The following ADD3 variants were observed in gnomAD, a reference collection of about 807,000 sequenced individuals.
The protein encoded by ADD3 is gamma-adducin.
ADD3 carries 25 observed loss-of-function variants against 80.2 expected under a neutral mutation model. That is an observed-to-expected ratio of 0.31 (90% confidence interval 0.23 to 0.44). The LOEUF is 0.44. Among genes scored for constraint, ADD3 ranks in the 20% least tolerant of loss-of-function variants. The pLI is 1.00. For synonymous variants in ADD3, 284 were observed against 289.6 expected (o/e 0.98, Z 0.20); for missense variants, 829 against 847.5 (o/e 0.98, Z 0.27).
chr10:110,011,425 A>G (rs1453575719), intron 1 of ADD3, among the ~76,000 whole-genome samples: 1 of 152,224 alleles, frequency 6.6e-6, no homozygotes, highest in Non-Finnish European at 1.5e-5. Context: ...TAATGTTTAG[A>G]ATTATTGTAG....
intron 3 of ADD3, among the ~76,000 whole-genome samples, chr10:110,114,034 A>G (rs1007550744): frequency 1.4e-4 from 21 of 152,228 alleles, no homozygotes; most frequent in Admixed American, 9.8e-4. Context: ...AAACAGAAAT[A>G]GTAAAAGAAG....
chr10:110,118,614 G>A lies in ADD3; in HGVS notation c.595G>A (p.Val199Ile), dbSNP rs200422546. Residue 199 changes from valine (V) to isoleucine (I), a missense_variant, in exon 6 of 15, where the codon GTT (valine) becomes ATT (isoleucine). By Grantham distance (29) the Val-to-Ile change is conservative. Transcript: ENST00000356080. ...LVKVNIIGEV[V>I]DQGSTNLKID... ...GAAAGTCAATATAATAGGAGAAGTG[G>A]TTGACCAGGGAAGTACCAATTTGAA... is the stretch of plus-strand genomic sequence containing the variant. 4.3e-6 allele frequency: 7 copies of A among 1,613,806 alleles called. No individual in the cohort carries two copies. The highest frequency in any genetic ancestry group is 4.2e-6 in the Non-Finnish European group (5 of 1,179,840).
At chr10:110,063,758 T>TATATATA (rs1186355021) in intron 1 of ADD3, among the ~76,000 whole-genome samples, 1 of 68,118 alleles carries the variant, frequency 1.5e-5, no homozygotes, top group African/African-American at 4.0e-5. Context: ...TATATATATA[T>TATATATA]ATATATATAT....
intron 12 of ADD3, among the ~76,000 whole-genome samples, chr10:110,127,882 A>G (rs904315670): frequency 2.0e-5 from 3 of 152,166 alleles, no homozygotes; most frequent in Non-Finnish European, 4.4e-5. Context: ...AAAAGGATAC[A>G]TAGGTGGTAA....
chr10:110,045,593 G>A (rs1371779942), intron 1 of ADD3, among the ~76,000 whole-genome samples: 2 of 152,114 alleles, frequency 1.3e-5, no homozygotes, highest in African/African-American at 4.8e-5. Flanking sequence ...TGGAAAAATG[G>A]ATGAACTAGA....
Position 110,132,342 on chromosome 10 carries a change from T to G in ADD3, c.1770T>G (p.Ser590=), listed in dbSNP as rs1853133085. The change falls in exon 14 of 15, where the codon TCT becomes TCG. Residue 590 remains serine, a synonymous_variant. Transcript: ENST00000356080. ...AATTACTCTCAGATGACGCTTCATC[T>G]GTTTCACAAATTCAGTCTCAAACTC... The part of the protein sequence containing the change: ...EQELLSDDAS[S]VSQIQSQTQS... 1 of 1,614,004 alleles carries G rather than the reference T, an allele frequency of 6.2e-7. No individual in the cohort carries two copies. The highest frequency in any genetic ancestry group is 2.2e-5 in the East Asian group (1 of 44,862).
intron 1 of ADD3, among the ~76,000 whole-genome samples, chr10:110,098,500 A>G (rs895958023): frequency 2.6e-5 from 4 of 152,352 alleles, no homozygotes; most frequent in Non-Finnish European, 5.9e-5. Flanking sequence ...TTAAATGGGT[A>G]GACATTGTGC....
chr10:110,117,278 A>T, intron 4 of ADD3, 64 bp from the exon 5 acceptor site: 4 of 782,612 alleles, frequency 5.1e-6, no homozygotes, highest in Non-Finnish European at 8.7e-6. Flanking sequence ...ATATATTTGT[A>T]GTCATGTTTC....
intron 1 of ADD3, among the ~76,000 whole-genome samples, chr10:110,041,792 T>C (rs1350682159): frequency 6.6e-6 from 1 of 152,160 alleles, no homozygotes; most frequent in Admixed American, 6.5e-5. Context: ...TTGCAATAGA[T>C]ACCTGACAGC....
intron 1 of ADD3, among the ~76,000 whole-genome samples, chr10:110,066,641 G>A (rs1335666122): frequency 2.0e-5 from 3 of 150,870 alleles, no homozygotes; most frequent in South Asian, 2.1e-4. Context: ...GGTTTTTTTT[G>A]TGGGGTTCTC....
At chr10:110,020,992 A>T (rs1286671289) in intron 1 of ADD3, among the ~76,000 whole-genome samples, 3 of 148,878 alleles carry the variant, frequency 2.0e-5, no homozygotes, top group Non-Finnish European at 3.0e-5. Flanking sequence ...AGATCAGTGC[A>T]TAATTATAGG....
At chr10:110,107,171 G>A (rs1429467758) in intron 2 of ADD3, among the ~76,000 whole-genome samples, 3 of 152,090 alleles carry the variant, frequency 2.0e-5, no homozygotes, top group Non-Finnish European at 4.4e-5. Context: ...TAGTAGAGCA[G>A]GAAAATAGTT....
intron 2 of ADD3, among the ~76,000 whole-genome samples, chr10:110,108,864 A>G (rs1590158092): frequency 6.6e-6 from 1 of 152,124 alleles, no homozygotes; most frequent in African/African-American, 2.4e-5. Flanking sequence ...GATTTCATAT[A>G]CTTTGAAAAA....
At chr10:110,080,147 G>A (rs1437480518) in intron 1 of ADD3, among the ~76,000 whole-genome samples, 1 of 152,146 alleles carries the variant, frequency 6.6e-6, no homozygotes, top group African/African-American at 2.4e-5. Context: ...GGGTCGGGGT[G>A]GGTAAGAACT....
intron 1 of ADD3, among the ~76,000 whole-genome samples, chr10:110,046,603 T>TA (rs1301874946): frequency 6.6e-6 from 1 of 152,178 alleles, no homozygotes; most frequent in Non-Finnish European, 1.5e-5. Flanking sequence ...AAAGCAATGT[T>TA]ACAAGAGCCA....
At chr10:110,001,488 G>A (rs546767889), upstream of ADD3, among the ~76,000 whole-genome samples, 1 of 152,016 alleles carries the variant, frequency 6.6e-6, no homozygotes, top group Non-Finnish European at 1.5e-5. Context: ...AGCAGAAAAG[G>A]TGTAGCCAGT....
intron 1 of ADD3, among the ~76,000 whole-genome samples, chr10:110,031,822 G>A (rs565138615): frequency 5.1e-4 from 77 of 151,708 alleles, no homozygotes; most frequent in African/African-American, 1.8e-3. Flanking sequence ...TTTGGAATAC[G>A]TATACATTTA....
At chr10:110,114,433 A>G (rs1299244714) in intron 3 of ADD3, among the ~76,000 whole-genome samples, 3 of 152,188 alleles carry the variant, frequency 2.0e-5, no homozygotes, top group Non-Finnish European at 4.4e-5. Context: ...AGAAAACTCA[A>G]TGGCTTTATG....
rs11388641 is a variant in ADD3, at chr10:110,015,683, A to ATT, written c.-30+7393_-30+7394dup. On this transcript the variant is annotated intron_variant, in intron 1 of 14. Coordinates refer to ENST00000356080, the MANE Select transcript of ADD3 (RefSeq NM_016824.5). The stretch of plus-strand genomic sequence containing the variant: ...GCCACTGCGCCTGGCAGAATGTTTG[A>ATT]TTTTTTTTTTAAGTGGACATCAAAT... Among the ~76,000 whole-genome samples, 19 of 150,762 alleles carry ATT rather than the reference A, an allele frequency of 1.3e-4. 1 individual carries two copies. Among genetic ancestry groups the ATT allele is most frequent in the South Asian group, 4.2e-4 (2 of 4,788 alleles).
Sources: allele counts gnomAD v4.1 joint callset (sites outside exome capture counted in the v4.1 genomes callset), GRCh38; gene constraint gnomAD v4.1.1; transcripts MANE v1.5; gene names NCBI Gene and HGNC (gene_info 2026-07-23, HGNC 2026-07-21).